Variants in CCDC88B observed in about 807,000 individuals in gnomAD.
CCDC88B encodes coiled-coil and HOOK domain protein 88B.
A neutral mutation model predicts 183.7 loss-of-function variants in CCDC88B; 138 were observed. The ratio of observed to expected loss-of-function variants is 0.75; its 90% CI spans 0.65 to 0.87. The LOEUF (loss-of-function observed/expected upper bound fraction) is 0.87. Among genes scored for constraint, CCDC88B ranks in the 40% least tolerant of loss-of-function variants. The pLI, the probability that CCDC88B is intolerant of heterozygous loss-of-function variation, is 0.00. For missense variants in CCDC88B, 1,822 were observed against 1,965.6 expected (o/e 0.93, Z 1.38); for synonymous variants, 835 against 867.5 (o/e 0.96, Z 0.66).
chr11:64,342,712 G>A (rs1044223869), intron 10 of CCDC88B, 32 bp downstream of exon 10: 54 of 1,445,710 alleles, frequency 3.7e-5, no homozygotes, highest in Non-Finnish European at 4.9e-5. Context: ...GGGGCGGGGC[G>A]TGCGCGAGGG....
rs776058275 is a variant in CCDC88B, at chr11:64,345,121, T to C, written c.2580T>C (p.Ala860=). The part of the protein sequence containing the change: ...ESEGRQHLEE[A]ERERREKEAL... ...AGGGCCGCCAGCACTTGGAGGAGGC[T>C]GAGAGGGAGCGCCGGGAGAAGGAGG... The change falls in exon 14 of 27, where the codon GCT becomes GCC. Residue 860 remains alanine (A), a synonymous_variant. Coordinates refer to ENST00000356786, the MANE Select transcript of CCDC88B (RefSeq NM_032251.6). 6.5e-7 allele frequency: 1 copy of C among 1,549,780 alleles called. No individual in the cohort carries two copies. Among genetic ancestry groups the C allele is most frequent in the Non-Finnish European group, 8.7e-7 (1 of 1,152,124 alleles).
In CCDC88B at chr11:64,344,989, G is replaced by A. The variant is rs2036045594; in HGVS notation, c.2448G>A (p.Glu816=). ...CCCAGGAACGGGAGGCGCTGGTGGA[G>A]GCGCTGGCAGCAGCGGGCCGGGAGC... ...SASQEREALV[E]ALAAAGRERR... The change falls in exon 14 of 27, where the codon GAG becomes GAA. Residue 816 remains glutamate, a synonymous_variant. Transcript: ENST00000356786. This position sits in a 1 kb window ranked among gnomAD's most constrained non-coding sequence, Gnocchi z 4.5. 2 of 1,547,478 alleles carry A rather than the reference G, an allele frequency of 1.3e-6. No individual in the cohort carries two copies. The highest frequency in any genetic ancestry group is 1.7e-6 in the Non-Finnish European group (2 of 1,147,912).
chr11:64,356,845 T>C (rs1300487601), intron 26 of CCDC88B, 194 bp from the exon 27 acceptor site: 3 of 553,104 alleles, frequency 5.4e-6, no homozygotes, highest in East Asian at 2.9e-5. Flanking sequence ...AGGGGAGAGT[T>C]TGTCGTGTGG....
chr11:64,351,643 C>A, intron 18 of CCDC88B, 27 bp downstream of exon 18: 1 of 1,542,626 alleles, frequency 6.5e-7, no homozygotes, highest in East Asian at 2.4e-5. Context: ...GTGCCCATCC[C>A]TGCCCATGTA....
In CCDC88B at chr11:64,340,704, T is replaced by A; in HGVS notation, c.158T>A (p.Phe53Tyr). ...CCGCCCCTTTGGTTGGAGAAGAGAT[T>A]CCTGCGCCTCAGCGATGGGGCCCTG... is the stretch of plus-strand genomic sequence containing the variant. ...EEPPLWLEKR[F>Y]LRLSDGALLL... Residue 53 changes from phenylalanine (F) to tyrosine (Y), a missense_variant, in exon 2 of 27, where the codon TTC (phenylalanine) becomes TAC (tyrosine). Physicochemically the swap from Phe to Tyr is conservative, Grantham distance 22. Transcript: ENST00000356786. The A allele has an allele frequency of 6.2e-7, 1 of 1,612,350 alleles. No individual in the cohort carries two copies. Among genetic ancestry groups the A allele is most frequent in the Non-Finnish European group, 8.5e-7 (1 of 1,179,752 alleles).
intron 14 of CCDC88B, among the ~76,000 whole-genome samples, chr11:64,348,430 G>A (rs1481997630): frequency 2.0e-5 from 3 of 152,080 alleles, no homozygotes; most frequent in South Asian, 2.1e-4. Flanking sequence ...GGCAGGGCAG[G>A]GGCTGGGCGG....
chr11:64,347,535 T>G (rs1246460352), intron 14 of CCDC88B, among the ~76,000 whole-genome samples: 2 of 151,996 alleles, frequency 1.3e-5, no homozygotes, highest in Non-Finnish European at 2.9e-5. Context: ...CACTGCTGGG[T>G]AGACATGGGG....
At chr11:64,351,439 C>T (rs773855697) in intron 17 of CCDC88B, 37 bp from the exon 18 acceptor site, 14 of 1,563,198 alleles carry the variant, frequency 9.0e-6, no homozygotes, top group South Asian at 1.2e-5. Context: ...GGGGTGCCCC[C>T]GCCACCTGGC....
At chr11:64,341,381 G>A (rs1344783952) in intron 5 of CCDC88B, 40 bp from the exon 6 acceptor site, 1 of 1,613,808 alleles carries the variant, frequency 6.2e-7, no homozygotes, top group Non-Finnish European at 8.5e-7. Flanking sequence ...CGGTAGAGGA[G>A]GGAGATCCTG....
chr11:64,342,587 G>T lies in CCDC88B; in HGVS notation c.969G>T (p.Arg323=). Residue 323 remains arginine, a synonymous_variant, in exon 10 of 27, where the codon CGG becomes CGT. Transcript: ENST00000356786. ...ELYREEAEAL[R]ERAGRLPRLQ... is the part of the protein sequence containing the mutation. ...ACCGCGAGGAGGCAGAGGCGCTGCG[G>T]GAGCGGGCCGGCCGCCTGCCCCGCC... 1 of 1,531,164 alleles carries T rather than the reference G, an allele frequency of 6.5e-7. No individual in the cohort carries two copies. The allele number at this position is 1,531,164 out of a possible 1,614,324, so 94.8% of individuals were successfully genotyped here.
Position 64,341,026 on chromosome 11 carries a change from G to T in CCDC88B, c.318+8G>T. On this transcript the variant is annotated splice_region_variant and intron_variant, in intron 3 of 26. Coordinates refer to ENST00000356786, the MANE Select transcript of CCDC88B (RefSeq NM_032251.6). ...CTGAGGGACTTCTACCAGGTAAGGG[G>T]TCTCGAGGGAAAGGCGGAGACAGGA... The T allele has an allele frequency of 6.2e-7, 1 of 1,612,378 alleles. No individual in the cohort carries two copies. The highest frequency in any genetic ancestry group is 8.5e-7 in the Non-Finnish European group (1 of 1,178,996).
chr11:64,349,195 A>G (rs2036229469), intron 14 of CCDC88B, 136 bp from the exon 15 acceptor site: 1 of 1,011,130 alleles, frequency 9.9e-7, no homozygotes, highest in East Asian at 2.6e-5. Flanking sequence ...TAGATGGGGA[A>G]GTAGAGCCCA....
intron 22 of CCDC88B, 87 bp from the exon 23 acceptor site, chr11:64,353,628 C>A: frequency 6.3e-7 from 1 of 1,581,614 alleles, no homozygotes; most frequent in Non-Finnish European, 8.6e-7. Flanking sequence ...GGCACGGGAC[C>A]AGTGCGTCCT....
At position 64,344,824 on chromosome 11, in the gene CCDC88B, G is replaced by T. The variant is rs2135307152; in HGVS notation, c.2283G>T (p.Glu761Asp). The stretch of plus-strand genomic sequence containing the variant: ...GCAAGCTGGAGGCCCAAAACACGGA[G>T]GCTGCCCGCCTCTCCAAGGAGCTGG... ...QARKLEAQNT[E>D]AARLSKELAQ... Residue 761 changes from glutamate to aspartate, a missense_variant, in exon 14 of 27, where the codon GAG becomes GAT. Glu to Asp is a conservative substitution (Grantham distance 45). Coordinates refer to ENST00000356786, the MANE Select transcript of CCDC88B (RefSeq NM_032251.6). The surrounding 1 kb of genome is among the most constrained non-coding windows in gnomAD (Gnocchi z 4.5). The T allele has an allele frequency of 1.2e-6, 2 of 1,604,888 alleles. No homozygotes were observed. The highest frequency in any genetic ancestry group is 8.5e-7 in the Non-Finnish European group (1 of 1,175,052).
Position 64,344,531 on chromosome 11 carries a change from G to C in CCDC88B, c.1990G>C (p.Glu664Gln), listed in dbSNP as rs777904849. 3 of 1,605,686 alleles carry C rather than the reference G, an allele frequency of 1.9e-6. No individual in the cohort carries two copies. The East Asian group carries it at 6.7e-5, about 36-fold the overall frequency. ...EPSSVQLEEQ[E>Q]GPNQGLDLAT... ...CAGCTCTGTGCAGCTGGAGGAGCAG[G>C]AGGGCCCAAACCAGGGCCTGGACCT... Residue 664 changes from glutamate (E) to glutamine (Q), a missense_variant, in exon 14 of 27, where the codon GAG (glutamate) becomes CAG (glutamine). Transcript: ENST00000356786. This position sits in a 1 kb window ranked among gnomAD's most constrained non-coding sequence, Gnocchi z 4.5.
chr11:64,353,208 C>G lies in CCDC88B; in HGVS notation c.3655C>G (p.Leu1219Val). Residue 1219 changes from leucine to valine, a missense_variant, in exon 21 of 27, where the codon CTG (leucine) becomes GTG (valine). Leu to Val is a conservative substitution (Grantham distance 32). Transcript: ENST00000356786. ...GCGCGAGTCCAACCAGCAGCTGGAC[C>G]TGAGCGCCTGCCGGCTGACCACGCA... ...QLRESNQQLD[L>V]SACRLTTQCE... is the part of the protein sequence containing the mutation. 1.3e-6 allele frequency: 2 copies of G among 1,571,114 alleles called. No homozygotes were observed. The highest frequency in any genetic ancestry group is 1.7e-6 in the Non-Finnish European group (2 of 1,157,706).
At position 64,343,836 on chromosome 11, in the gene CCDC88B, G is replaced by A. The variant is rs774614766; in HGVS notation, c.1377G>A (p.Gly459=). The A allele has an allele frequency of 1.3e-6, 2 of 1,597,766 alleles. No individual in the cohort carries two copies. Among genetic ancestry groups the A allele is most frequent in the South Asian group, 2.3e-5 (2 of 88,640 alleles). Residue 459 remains glycine (G), a synonymous_variant, in exon 13 of 27, where the codon GGG becomes GGA. Coordinates refer to ENST00000356786, the MANE Select transcript of CCDC88B (RefSeq NM_032251.6). Reference sequence around the variant, plus strand: ...ATGAGGTGAGGGAGGCAGAGGCTGGGCGGCTTCGGACCCTTGAGAGGGAGA... The same window carrying A: ...ATGAGGTGAGGGAGGCAGAGGCTGGACGGCTTCGGACCCTTGAGAGGGAGA... ...LQDEVREAEA[G]RLRTLERENR...
At chr11:64,354,299 G>A in intron 24 of CCDC88B, 129 bp downstream of exon 24, 1 of 713,474 alleles carries the variant, frequency 1.4e-6, no homozygotes, top group Non-Finnish European at 2.0e-6. Flanking sequence ...TGCCCCCCCT[G>A]CCCTGATGCC....
chr11:64,341,690 G>A lies in CCDC88B; in HGVS notation c.623G>A (p.Ser208Asn), dbSNP rs774166525. 11 of 1,607,138 alleles carry A rather than the reference G, an allele frequency of 6.8e-6. No individual in the cohort carries two copies. The highest frequency in any genetic ancestry group is 9.3e-6 in the Non-Finnish European group (11 of 1,177,154). Reference sequence around the variant, plus strand: ...GCCGAGCTGGAGATGCTGTCCCGGAGCCTGATGGGGACACTGTCGAAGCTG... The same window carrying A: ...GCCGAGCTGGAGATGCTGTCCCGGAACCTGATGGGGACACTGTCGAAGCTG... ...APAELEMLSR[S>N]LMGTLSKLAR... The change falls in exon 7 of 27, where the codon AGC becomes AAC. Residue 208 changes from serine (S) to asparagine (N), a missense_variant. Coordinates refer to ENST00000356786, the MANE Select transcript of CCDC88B (RefSeq NM_032251.6).
Sources: gnomAD v4.1 joint callset for allele counts (sites outside exome capture counted in the v4.1 genomes callset) on GRCh38, gnomAD v4.1.1 for gene constraint, Gnocchi (gnomAD v3.1) non-coding constraint, MANE v1.5 for transcripts, NCBI Gene and HGNC (gene_info 2026-07-23, HGNC 2026-07-21) for gene names.